ZNF562: variants seen among roughly 807,000 people sequenced by gnomAD.
The protein encoded by ZNF562 is zinc finger protein 562.
Under a neutral mutation model 17.5 loss-of-function variants are expected in ZNF562, and 13 were observed. The observed-to-expected ratio is 0.74, with a 90% CI of 0.48 to 1.18. The LOEUF is 1.18. Among genes scored for constraint, ZNF562 ranks in the 50% most tolerant of loss-of-function variants. The pLI is 0.00. For synonymous variants in ZNF562, 163 were observed against 165.4 expected, an observed-to-expected ratio of 0.99 and a Z score of 0.11; for missense variants, 481 against 498.5, an observed-to-expected ratio of 0.96 and a Z score of 0.33.
intron 4 of ZNF562, among the ~76,000 whole-genome samples, chr19:9,656,871 A>AAAAAATATATATAT (rs376933513): frequency 9.8e-5 from 14 of 142,436 alleles, no homozygotes; most frequent in African/African-American, 3.6e-4. Context: ...AAAATACAAA[A>AAAAAATATATATAT]ATATATATAT....
At chr19:9,656,505 A>G in intron 5 of ZNF562, 42 bp downstream of exon 5, 1 of 1,605,486 alleles carries the variant, frequency 6.2e-7, no homozygotes. Context: ...ACTCCGTCTC[A>G]AAAAACAGAA....
intron 3 of ZNF562, among the ~76,000 whole-genome samples, chr19:9,658,694 CTATT>C (rs1321891523): frequency 3.9e-5 from 6 of 151,910 alleles, no homozygotes; most frequent in African/African-American, 1.2e-4. Flanking sequence ...TTTGTCTGAT[CTATT>C]TATTTTTAAT....
At position 9,647,106 on chromosome 19, in the gene ZNF562, G is replaced by T. The variant is rs1270648804; in HGVS notation, c.*5843C>A. On this transcript the variant is annotated 3_prime_UTR_variant, in exon 6 of 6. Transcript: ENST00000453372. ...TTGTCTTTTTTTTTTTTTTTGAGACGGATTCTCGCTCTGTCGTCAGGCTGG... is the reference window on the plus strand; with the variant it reads ...TTGTCTTTTTTTTTTTTTTTGAGACTGATTCTCGCTCTGTCGTCAGGCTGG... The T allele has an allele frequency of 7.4e-6, 1 of 134,618 alleles. No individual in the cohort carries two copies. Among genetic ancestry groups the T allele is most frequent in the Non-Finnish European group, 1.6e-5 (1 of 64,094 alleles). The allele number at this position is 134,618 out of a possible 1,614,324, so 8.3% of individuals were successfully genotyped here.
intron 1 of ZNF562, among the ~76,000 whole-genome samples, chr19:9,669,151 G>C (rs923954727): frequency 2.0e-5 from 3 of 152,022 alleles, no homozygotes; most frequent in Admixed American, 2.0e-4. Flanking sequence ...CACAGCAAAA[G>C]AAACAATCAA....
At chr19:9,666,244 A>C (rs1489668549) in intron 1 of ZNF562, among the ~76,000 whole-genome samples, 1 of 151,490 alleles carries the variant, frequency 6.6e-6, no homozygotes, top group Non-Finnish European at 1.5e-5. Flanking sequence ...AATCGCTTGA[A>C]TCCGGGAAGC....
chr19:9,661,795 AAAC>A (rs998691471), intron 1 of ZNF562, among the ~76,000 whole-genome samples: 21 of 152,284 alleles, frequency 1.4e-4, no homozygotes, highest in African/African-American at 2.6e-4. Flanking sequence ...ACTCCATCTC[AAAC>A]AACAACAACA....
In ZNF562 at chr19:9,644,484, G is replaced by A. The variant is rs1164640041; in HGVS notation, c.*8465C>T. 1 of 152,182 alleles carries A rather than the reference G, an allele frequency of 6.6e-6. No homozygotes were observed. The highest frequency in any genetic ancestry group is 1.5e-5 in the Non-Finnish European group (1 of 68,056). 9.4% of individuals were successfully genotyped at this position (152,182 alleles called of 1,614,324 possible). ...GTTCCTTGTTGTTGTTACAGTGTGAGCCACCGTGCCTGGCCGAGACTGGGT... is the reference window on the plus strand; with the variant it reads ...GTTCCTTGTTGTTGTTACAGTGTGAACCACCGTGCCTGGCCGAGACTGGGT... On this transcript the variant is annotated 3_prime_UTR_variant, in exon 6 of 6. Coordinates refer to ENST00000453372, the MANE Select transcript of ZNF562 (RefSeq NM_001130031.2).
intron 3 of ZNF562, 102 bp from the exon 4 acceptor site, chr19:9,658,237 C>T: frequency 7.0e-7 from 1 of 1,430,076 alleles, no homozygotes; most frequent in Non-Finnish European, 9.2e-7. Flanking sequence ...ATACGTGGTT[C>T]TCAAGTCTCC....
At chr19:9,658,413 G>A (rs113933201) in intron 3 of ZNF562, 116,106 of 900,258 alleles carry the variant, frequency 0.13, 8,267 homozygotes, top group Admixed American at 0.23. Flanking sequence ...GCAATGGCAC[G>A]ATCTCGGCTC....
At chr19:9,660,403 A>G (rs2043691555) in intron 2 of ZNF562, among the ~76,000 whole-genome samples, 1 of 152,066 alleles carries the variant, frequency 6.6e-6, no homozygotes, top group African/African-American at 2.4e-5. Context: ...GAGGCAGGCA[A>G]ATCACCTGAG....
chr19:9,670,930 G>A (rs1430859878), intron 1 of ZNF562, among the ~76,000 whole-genome samples: 2 of 151,610 alleles, frequency 1.3e-5, no homozygotes, highest in South Asian at 2.1e-4. Context: ...CCGGGAGGAG[G>A]CAGAGGTTGC....
At chr19:9,668,227 T>C (rs2044024146) in intron 1 of ZNF562, among the ~76,000 whole-genome samples, 1 of 150,874 alleles carries the variant, frequency 6.6e-6, no homozygotes, top group Non-Finnish European at 1.5e-5. Flanking sequence ...AAAAAGAAAT[T>C]AGCCAGGCAT....
chr19:9,662,465 G>A (rs1402706083), intron 1 of ZNF562, among the ~76,000 whole-genome samples: 2 of 151,822 alleles, frequency 1.3e-5, no homozygotes, highest in Non-Finnish European at 2.9e-5. Flanking sequence ...AGAAGGCTGA[G>A]GCAGGAGAAT....
In ZNF562 at chr19:9,669,728, GCGCGCGCA is replaced by G. The variant is rs1194458333; in HGVS notation, c.-131+5279_-131+5286del. The stretch of plus-strand genomic sequence containing the variant: ...CATGCACGCGCGCGAGCGCGCGCGC[GCGCGCGCA>G]CACACACACACACACACACACACAC... On this transcript the variant is annotated intron_variant, in intron 1 of 5. Transcript: ENST00000453372. 3.9e-3 allele frequency among the ~76,000 whole-genome samples: 332 copies of G among 84,796 alleles called. 1 individual carries two copies. The highest frequency in any genetic ancestry group is 0.013 in the East Asian group (43 of 3,278). 55.6% of individuals were successfully genotyped at this position (84,796 alleles called of 152,430 possible).
rs2074841171 is a variant in ZNF562 at position 9,649,660 on chromosome 19, AGTCAG to A, written c.*3284_*3288del. ...AGGAAATTCCCACCTAATAAATTTT[AGTCAG>A]ACCAGTTGATCTCAAAACCGTCTCC... On this transcript the variant is annotated 3_prime_UTR_variant, in exon 6 of 6. Transcript: ENST00000453372. 1 of 152,164 alleles carries A rather than the reference AGTCAG, an allele frequency of 6.6e-6. No individual in the cohort carries two copies. The highest frequency in any genetic ancestry group is 2.4e-5 in the African/African-American group (1 of 41,436). The allele number at this position is 152,164 out of a possible 1,614,324, so 9.4% of individuals were successfully genotyped here. A position where few individuals can be genotyped will look rare whatever the true frequency, so the allele number is the denominator to read the frequency against.
At chr19:9,670,092 A>T (rs899832335) in intron 1 of ZNF562, among the ~76,000 whole-genome samples, 8 of 151,990 alleles carry the variant, frequency 5.3e-5, no homozygotes, top group African/African-American at 1.9e-4. Flanking sequence ...AAAAAAACTT[A>T]GCCAGGTGTA....
chr19:9,656,871 A>AAAAAAAAAAAT (rs376933513), intron 4 of ZNF562, among the ~76,000 whole-genome samples: 5 of 142,442 alleles, frequency 3.5e-5, no homozygotes, highest in South Asian at 2.2e-4. Context: ...AAAATACAAA[A>AAAAAAAAAAAT]ATATATATAT....
chr19:9,658,998 C>T (rs1412189781), intron 3 of ZNF562, among the ~76,000 whole-genome samples: 2 of 152,162 alleles, frequency 1.3e-5, no homozygotes, highest in Non-Finnish European at 2.9e-5. Flanking sequence ...CTCTTCCTGT[C>T]CCATTGGTCT....
chr19:9,647,475 C>T lies in ZNF562; in HGVS notation c.*5474G>A, dbSNP rs2074816365. 6.6e-6 allele frequency: 1 copy of T among 152,192 alleles called. No homozygotes were observed. The highest frequency in any genetic ancestry group is 2.4e-5 in the African/African-American group (1 of 41,402). The allele number at this position is 152,192 out of a possible 1,614,324, so 9.4% of individuals were successfully genotyped here. A position where few individuals can be genotyped will look rare whatever the true frequency, so the allele number is the denominator to read the frequency against. ...GAACTCCTGGCCTCAAGGAATCCTT[C>T]TGACTGAGCTTCCCAGTGTGCTGGG... On this transcript the variant is annotated 3_prime_UTR_variant, in exon 6 of 6. Coordinates refer to ENST00000453372, the MANE Select transcript of ZNF562 (RefSeq NM_001130031.2).
Sources: gnomAD v4.1 joint callset for allele counts (sites outside exome capture counted in the v4.1 genomes callset) on GRCh38, gnomAD v4.1.1 for gene constraint, MANE v1.5 for transcripts, NCBI Gene and HGNC (gene_info 2026-07-23, HGNC 2026-07-21) for gene names.